The following TDRD9 variants were observed in gnomAD, a reference collection of about 807,000 sequenced individuals.
TDRD9 encodes ATP-dependent RNA helicase TDRD9.
TDRD9 carries 124 observed loss-of-function variants against 172.6 expected under a neutral mutation model. The ratio of observed to expected loss-of-function variants is 0.72; its 90% confidence interval spans 0.62 to 0.83. TDRD9 has a LOEUF of 0.83. Ranked by LOEUF, TDRD9 falls within the 40% of genes least tolerant of loss-of-function variation. The pLI is 0.00. For synonymous variants in TDRD9, 619 were observed against 617.1 expected (o/e 1.00, Z -0.05); for missense variants, 1,479 against 1,714.1 (o/e 0.86, Z 2.42).
intron 19 of TDRD9, among the ~76,000 whole-genome samples, chr14:104,007,992 G>T (rs1430775754): frequency 1.3e-5 from 2 of 152,032 alleles, no homozygotes; most frequent in African/African-American, 4.8e-5. Context: ...TGTTAGCTAG[G>T]GTGGTCTCGA....
chr14:103,928,712 C>T lies in TDRD9; in HGVS notation c.203C>T (p.Ala68Val). The change falls in exon 1 of 36, where the codon GCT becomes GTT. Residue 68 changes from alanine (A) to valine (V), a missense_variant. Transcript: ENST00000409874. ...ALAQAPARPA[A>V]AFERSLSQRS... ...GCCCAAGCTCCGGCCCGGCCGGCCG[C>T]TGCGTTCGAAAGGTAGGACGCGGGC... is the stretch of plus-strand genomic sequence containing the variant. 2 of 1,172,642 alleles carry T rather than the reference C, an allele frequency of 1.7e-6. No individual in the cohort carries two copies. The highest frequency in any genetic ancestry group is 7.6e-5 in the East Asian group (2 of 26,424). The allele number at this position is 1,172,642 out of a possible 1,614,324, so 72.6% of individuals were successfully genotyped here. A position where few individuals can be genotyped will look rare whatever the true frequency, so the allele number is the denominator to read the frequency against.
chr14:103,980,003 G>T lies in TDRD9; in HGVS notation c.1011+4450G>T, dbSNP rs1470711319. Among the ~76,000 whole-genome samples, 1 of 151,706 alleles carries T rather than the reference G, an allele frequency of 6.6e-6. No individual in the cohort carries two copies. The highest frequency in any genetic ancestry group is 1.5e-5 in the Non-Finnish European group (1 of 67,992). On this transcript the variant is annotated intron_variant, in intron 7 of 35. Transcript: ENST00000409874. This position sits in a 1 kb window ranked among gnomAD's most constrained non-coding sequence, Gnocchi z 4.5. The stretch of plus-strand genomic sequence containing the variant: ...AGATTCTCCCATCTCAGCCTTCCAA[G>T]AAGCTATGACTACAGATGCATACCA...
chr14:103,986,467 G>A (rs1028151431), intron 8 of TDRD9, 147 bp downstream of exon 8: 2 of 615,264 alleles, frequency 3.3e-6, no homozygotes, highest in Admixed American at 7.2e-5. Flanking sequence ...AATCAGGTTA[G>A]TATTTTGGAA....
rs948243959 is a variant in TDRD9, at chr14:103,997,281, AGCG to A, written c.1379-1341_1379-1339del. Among the ~76,000 whole-genome samples the A allele has an allele frequency of 2.0e-5, 3 of 152,214 alleles. No individual in the cohort carries two copies. The highest frequency in any genetic ancestry group is 7.2e-5 in the African/African-American group (3 of 41,458). ...TGGGTGGTGCTTAGAAAAGGACAGC[AGCG>A]GTAGGGGACAGGAGGTGGGGGTAGA... On this transcript the variant is annotated intron_variant, in intron 12 of 35. Coordinates refer to ENST00000409874, the MANE Select transcript of TDRD9 (RefSeq NM_153046.3). The surrounding 1 kb of genome is among the most constrained non-coding windows in gnomAD (Gnocchi z 5.1).
intron 9 of TDRD9, among the ~76,000 whole-genome samples, chr14:103,991,522 C>G (rs1436407921): frequency 1.3e-5 from 2 of 152,076 alleles, no homozygotes; most frequent in East Asian, 3.9e-4. Context: ...CAGTGATTCT[C>G]CTGCCTCAGC....
At chr14:103,986,612 A>G (rs2033670031) in intron 8 of TDRD9, among the ~76,000 whole-genome samples, 1 of 152,152 alleles carries the variant, frequency 6.6e-6, no homozygotes, top group African/African-American at 2.4e-5. Context: ...TATCACTCTT[A>G]ATGCTGGGGT....
intron 21 of TDRD9, 134 bp downstream of exon 21, chr14:104,014,975 T>A (rs534741256): frequency 7.0e-5 from 35 of 502,066 alleles, no homozygotes; most frequent in Middle Eastern, 5.8e-4. Flanking sequence ...ATAGTGTTCA[T>A]ACTGCGTTTG....
intron 4 of TDRD9, among the ~76,000 whole-genome samples, chr14:103,966,221 C>T (rs906699817): frequency 2.6e-5 from 4 of 151,968 alleles, no homozygotes; most frequent in Non-Finnish European, 4.4e-5. Flanking sequence ...ATTCCAGCTA[C>T]TCAGGAGGCT....
At chr14:104,024,749 TACACACACACACACACAC>T (rs60394937) in intron 25 of TDRD9, 69 bp downstream of exon 25, 29 of 435,068 alleles carry the variant, frequency 6.7e-5, no homozygotes, top group African/African-American at 1.2e-4. Context: ...ACAGGAAGTT[TACACACACACACACACAC>T]ACACACACAC....
At chr14:103,952,404 G>A (rs2031976059) in intron 1 of TDRD9, among the ~76,000 whole-genome samples, 1 of 147,790 alleles carries the variant, frequency 6.8e-6, no homozygotes. Context: ...ACCACCCCTG[G>A]CTAATTTTTT....
At chr14:104,020,627 C>T (rs1023892937) in intron 23 of TDRD9, among the ~76,000 whole-genome samples, 3 of 152,056 alleles carry the variant, frequency 2.0e-5, no homozygotes, top group Non-Finnish European at 2.9e-5. Context: ...TGAAGGAGAG[C>T]GGAGGAGGCG....
chr14:103,998,772 A>C (rs759184163), intron 13 of TDRD9, 44 bp downstream of exon 13: 2 of 981,100 alleles, frequency 2.0e-6, no homozygotes, highest in Non-Finnish European at 3.2e-6. Flanking sequence ...CATTGGTGAC[A>C]CAGTGGCACA....
At chr14:103,981,203 G>A (rs376371404) in intron 7 of TDRD9, among the ~76,000 whole-genome samples, 1 of 152,086 alleles carries the variant, frequency 6.6e-6, no homozygotes, top group Non-Finnish European at 1.5e-5. Context: ...CATCATGCCT[G>A]GCCTCTGACT....
chr14:103,937,547 C>T (rs1240457635), intron 1 of TDRD9, among the ~76,000 whole-genome samples: 1 of 152,150 alleles, frequency 6.6e-6, no homozygotes, highest in African/African-American at 2.4e-5. Flanking sequence ...TGCCTCCATC[C>T]AGTCTTGTTT....
At chr14:104,021,407 G>A (rs1005792411) in intron 23 of TDRD9, among the ~76,000 whole-genome samples, 4 of 152,138 alleles carry the variant, frequency 2.6e-5, no homozygotes, top group Admixed American at 1.3e-4. Context: ...GCAATCAATG[G>A]TTTTGGCCCA....
intron 2 of TDRD9, among the ~76,000 whole-genome samples, chr14:103,958,912 G>A (rs2032372488): frequency 6.6e-6 from 1 of 152,216 alleles, no homozygotes; most frequent in Non-Finnish European, 1.5e-5. Flanking sequence ...TAGTAATAGG[G>A]CCTGTGGGCT....
intron 31 of TDRD9, 30 bp from the exon 32 acceptor site, chr14:104,034,930 C>A (rs2035404704): frequency 2.0e-6 from 3 of 1,522,446 alleles, no homozygotes; most frequent in Admixed American, 3.9e-5. Flanking sequence ...TGAGTTAATG[C>A]CCGATGTTGA....
chr14:104,034,825 G>A, intron 31 of TDRD9, 135 bp from the exon 32 acceptor site: 2 of 626,006 alleles, frequency 3.2e-6, no homozygotes, highest in Non-Finnish European at 2.9e-6. Flanking sequence ...GTTACTATTG[G>A]GGTGGGCCTG....
At chr14:103,940,669 C>T (rs2031166146) in intron 1 of TDRD9, 2 of 584,056 alleles carry the variant, frequency 3.4e-6, no homozygotes, top group Admixed American at 6.3e-5. Flanking sequence ...AAAAAAAGAA[C>T]ACTATTTAAA....
Sources: allele counts gnomAD v4.1 joint callset (sites outside exome capture counted in the v4.1 genomes callset), GRCh38; gene constraint gnomAD v4.1.1; non-coding constraint Gnocchi (gnomAD v3.1); transcripts MANE v1.5; gene names NCBI Gene and HGNC (gene_info 2026-07-23, HGNC 2026-07-21).